The following TENM2 variants were observed in gnomAD, a reference collection of about 807,000 sequenced individuals.
TENM2 encodes the protein teneurin-2.
In TENM2, 52 loss-of-function variants were observed where a neutral mutation model predicts 245.2. The ratio of observed to expected loss-of-function variants is 0.21; its 90% CI spans 0.17 to 0.27. TENM2 has a LOEUF of 0.27. TENM2 is among the 10% of genes least tolerant of loss of function. TENM2 has a pLI of 1.00. For missense variants in TENM2, 3,046 were observed against 3,666.8 expected (o/e 0.83, Z 4.37); for synonymous variants, 1,363 against 1,438.9 (o/e 0.95, Z 1.19).
chr5:167,985,240 A>G (rs1209938733), intron 4 of TENM2, among the ~76,000 whole-genome samples: 1 of 152,104 alleles, frequency 6.6e-6, no homozygotes, highest in Non-Finnish European at 1.5e-5. Context: ...TCCTTCCCCT[A>G]GCTTTTGATC....
chr5:167,320,116 T>C (rs142311704), intron 1 of TENM2, among the ~76,000 whole-genome samples: 17 of 152,308 alleles, frequency 1.1e-4, no homozygotes, highest in African/African-American at 4.1e-4. Context: ...TATGATATGA[T>C]GAAAAACAAA....
At position 167,646,200 on chromosome 5, in the gene TENM2, C is replaced by CATATATATATATAT. The variant is rs61476810; in HGVS notation, c.503-229769_503-229756dup. Among the ~76,000 whole-genome samples the CATATATATATATAT allele has an allele frequency of 2.9e-3, 185 of 63,296 alleles. 2 individuals carry two copies. Among genetic ancestry groups the CATATATATATATAT allele is most frequent in the African/African-American group, 4.9e-3 (91 of 18,724 alleles). The allele number at this position is 63,296 out of a possible 152,430, so 41.5% of individuals were successfully genotyped here. ...TTCATATATATATATATGTTGTTTT[C>CATATATATATATAT]ATATATATATATATATATATATATA... On this transcript the variant is annotated intron_variant, in intron 2 of 28. Transcript: ENST00000518659.
At chr5:168,212,563 G>C (rs1201614495) in intron 20 of TENM2, among the ~76,000 whole-genome samples, 1 of 152,194 alleles carries the variant, frequency 6.6e-6, no homozygotes, top group African/African-American at 2.4e-5. Context: ...AACATGGACA[G>C]CTCTCCTTCA....
intron 8 of TENM2, among the ~76,000 whole-genome samples, chr5:168,095,363 T>C (rs994679569): frequency 6.6e-6 from 1 of 152,102 alleles, no homozygotes; most frequent in East Asian, 1.9e-4. Context: ...TTCCTCTCTT[T>C]CCCACCCCAG....
intron 12 of TENM2, among the ~76,000 whole-genome samples, chr5:168,137,808 T>C (rs1581417531): frequency 1.3e-5 from 2 of 152,338 alleles, no homozygotes; most frequent in Admixed American, 6.5e-5. Flanking sequence ...TCTTGCTATA[T>C]GTTGAATATG....
the TENM2 span, among the ~76,000 whole-genome samples, chr5:167,081,894 C>G: frequency 6.6e-6 from 1 of 152,312 alleles, no homozygotes; most frequent in Admixed American, 6.5e-5. Context: ...TTTCTTGCCT[C>G]TTGTCGTTTC....
At chr5:167,907,394 G>A (rs1776175223) in intron 3 of TENM2, among the ~76,000 whole-genome samples, 1 of 150,786 alleles carries the variant, frequency 6.6e-6, no homozygotes. Context: ...GGTGAACATT[G>A]TCATTTTAAA....
chr5:167,450,844 T>G (rs1014467970), intron 2 of TENM2, among the ~76,000 whole-genome samples: 1 of 152,192 alleles, frequency 6.6e-6, no homozygotes, highest in Non-Finnish European at 1.5e-5. Context: ...GTATGACTTA[T>G]TAGTCAAAAG....
At chr5:167,431,331 A>G (rs1230733655) in intron 2 of TENM2, among the ~76,000 whole-genome samples, 2 of 152,154 alleles carry the variant, frequency 1.3e-5, no homozygotes, top group Non-Finnish European at 2.9e-5. Context: ...TAGTTCCCCC[A>G]TATTTAGGTT....
At chr5:167,241,066 C>T in the TENM2 span, among the ~76,000 whole-genome samples, 41 of 151,472 alleles carry the variant, frequency 2.7e-4, no homozygotes, top group African/African-American at 8.8e-4. Flanking sequence ...TTCCAAATTG[C>T]GTTTACATTT....
chr5:168,190,694 A>C, intron 14 of TENM2, 147 bp downstream of exon 16: 1 of 641,520 alleles, frequency 1.6e-6, no homozygotes, highest in Admixed American at 2.9e-5. Flanking sequence ...GACTCAGAGA[A>C]GTGCCCTTTC....
At chr5:167,622,544 T>C (rs1211206364) in intron 2 of TENM2, among the ~76,000 whole-genome samples, 4 of 149,278 alleles carry the variant, frequency 2.7e-5, no homozygotes, top group African/African-American at 1.0e-4. Flanking sequence ...TTGGGACCCA[T>C]CCTTAGACCC....
At chr5:167,204,860 A>G in the TENM2 span, among the ~76,000 whole-genome samples, 1 of 152,222 alleles carries the variant, frequency 6.6e-6, no homozygotes, top group Non-Finnish European at 1.5e-5. Flanking sequence ...TACATATGTT[A>G]CAAATAAACC....
chr5:167,227,738 C>G, the TENM2 span, among the ~76,000 whole-genome samples: 1 of 152,242 alleles, frequency 6.6e-6, no homozygotes, highest in South Asian at 2.1e-4. Context: ...TGAAGAAGAT[C>G]TTTTTGCTTT....
At chr5:167,465,358 C>T (rs766491507) in intron 2 of TENM2, among the ~76,000 whole-genome samples, 2 of 152,296 alleles carry the variant, frequency 1.3e-5, no homozygotes, top group South Asian at 4.1e-4. Flanking sequence ...CTCGAAGTCA[C>T]CTTTTCTTCC....
chr5:167,518,218 CA>C (rs1003173815), intron 2 of TENM2, among the ~76,000 whole-genome samples: 2 of 152,052 alleles, frequency 1.3e-5, no homozygotes, highest in East Asian at 1.9e-4. Context: ...ATCCCTTGTT[CA>C]AATCCCTGTA....
In TENM2 at chr5:167,890,995, G is replaced by GA. The variant is rs1272069056; in HGVS notation, c.712+14800_712+14801insA. Among the ~76,000 whole-genome samples, 7 of 152,162 alleles carry GA rather than the reference G, an allele frequency of 4.6e-5. No homozygotes were observed. The East Asian group carries it at 1.3e-3, about 29-fold the overall frequency. ...TCCATTTGAGGGATAAAAATTTCAAGTGACTTACTGGTGGACCATATTTAG... is the reference window on the plus strand; with the variant it reads ...TCCATTTGAGGGATAAAAATTTCAAGATGACTTACTGGTGGACCATATTTAG... On this transcript the variant is annotated intron_variant, in intron 3 of 28. Coordinates refer to ENST00000518659, the Ensembl canonical transcript of TENM2.
At chr5:167,091,243 T>G in the TENM2 span, among the ~76,000 whole-genome samples, 1 of 152,160 alleles carries the variant, frequency 6.6e-6, no homozygotes, top group African/African-American at 2.4e-5. Flanking sequence ...AAATGCAAAG[T>G]GTCAAAAATG....
At chr5:167,558,010 G>T (rs1400134645) in intron 2 of TENM2, among the ~76,000 whole-genome samples, 1 of 152,174 alleles carries the variant, frequency 6.6e-6, no homozygotes, top group Non-Finnish European at 1.5e-5. Context: ...GAGCAGGAGG[G>T]TTTATTTTGT....
Sources: gnomAD v4.1 joint callset for allele counts (sites outside exome capture counted in the v4.1 genomes callset) on GRCh38, gnomAD v4.1.1 for gene constraint, MANE v1.5 for transcripts, NCBI Gene and HGNC (gene_info 2026-07-23, HGNC 2026-07-21) for gene names.